The following PKNOX2 variants were observed in gnomAD, a reference collection of about 807,000 sequenced individuals.
The protein encoded by PKNOX2 is PBX/knotted 1 homeobox 2.
A neutral mutation model predicts 53.1 loss-of-function variants in PKNOX2; 14 were observed. The observed-to-expected ratio is 0.26, with a 90% CI of 0.17 to 0.41. PKNOX2 has a LOEUF of 0.41. Ranked by LOEUF, PKNOX2 falls within the 10% of genes least tolerant of loss-of-function variation. The pLI is 1.00. For synonymous variants in PKNOX2, 257 were observed against 242.8 expected (o/e 1.06, Z -0.54); for missense variants, 496 against 602.8 (o/e 0.82, Z 1.85).
At chr11:125,219,341 G>C (rs1329249734) in intron 1 of PKNOX2, among the ~76,000 whole-genome samples, 2 of 152,166 alleles carry the variant, frequency 1.3e-5, no homozygotes, top group Admixed American at 6.5e-5. Context: ...TGTAGGCTGA[G>C]GCAGGAGAAT....
At chr11:125,250,822 G>A (rs1269793811) in intron 2 of PKNOX2, among the ~76,000 whole-genome samples, 2 of 152,212 alleles carry the variant, frequency 1.3e-5, no homozygotes, top group African/African-American at 4.8e-5. Context: ...ATCCCACAAT[G>A]GGAAAACTTA....
chr11:125,289,757 G>A (rs1947184943), intron 2 of PKNOX2, among the ~76,000 whole-genome samples: 1 of 152,152 alleles, frequency 6.6e-6, no homozygotes, highest in Non-Finnish European at 1.5e-5. Context: ...AGGTGGGACA[G>A]AAGACTAGAG....
intron 2 of PKNOX2, among the ~76,000 whole-genome samples, chr11:125,237,535 T>G (rs1444890259): frequency 6.6e-6 from 1 of 152,200 alleles, no homozygotes. Flanking sequence ...CCTCATCTAT[T>G]TCCCAGAAAG....
At chr11:125,390,983 G>C (rs991121993) in intron 6 of PKNOX2, among the ~76,000 whole-genome samples, 5 of 152,166 alleles carry the variant, frequency 3.3e-5, no homozygotes, top group Admixed American at 6.5e-5. Flanking sequence ...GGCCTGGTCT[G>C]GAAAAATTCC....
At chr11:125,342,782 G>A (rs1424373599) in intron 3 of PKNOX2, among the ~76,000 whole-genome samples, 1 of 150,344 alleles carries the variant, frequency 6.7e-6, no homozygotes, top group East Asian at 2.0e-4. Flanking sequence ...GGGGAGGGGC[G>A]GGCCGGGGCT....
chr11:125,345,435 A>C (rs1335904491), intron 3 of PKNOX2, among the ~76,000 whole-genome samples: 3 of 151,780 alleles, frequency 2.0e-5, no homozygotes, highest in African/African-American at 7.3e-5. Context: ...TGCCAACCCC[A>C]TCCACCAAGC....
At chr11:125,328,716 T>C (rs547891720) in intron 2 of PKNOX2, among the ~76,000 whole-genome samples, 2 of 152,220 alleles carry the variant, frequency 1.3e-5, no homozygotes, top group East Asian at 1.9e-4. Context: ...TCTCTTTGGA[T>C]TGGTAAGAAA....
intron 5 of PKNOX2, among the ~76,000 whole-genome samples, chr11:125,374,771 T>C (rs145467558): frequency 6.6e-6 from 1 of 152,162 alleles, no homozygotes; most frequent in Non-Finnish European, 1.5e-5. Context: ...AAGGTTATGT[T>C]AGGATTCAAT....
chr11:125,411,481 T>C (rs950645280), intron 9 of PKNOX2: 18 of 418,696 alleles, frequency 4.3e-5, no homozygotes, highest in Non-Finnish European at 6.3e-5. Context: ...TCTCTCTCTC[T>C]CTCTCTCTCT....
intron 2 of PKNOX2, among the ~76,000 whole-genome samples, chr11:125,321,655 C>A (rs1027151834): frequency 1.1e-4 from 16 of 152,112 alleles, no homozygotes; most frequent in Non-Finnish European, 1.5e-5. Context: ...CAGCCATAGA[C>A]AATAGTAAAC....
intron 2 of PKNOX2, among the ~76,000 whole-genome samples, chr11:125,311,305 A>G (rs1219230503): frequency 6.6e-6 from 1 of 152,202 alleles, no homozygotes; most frequent in Admixed American, 6.5e-5. Context: ...TAGCATTAGC[A>G]AGGAAATCCA....
chr11:125,334,297 G>A (rs1337376647), intron 3 of PKNOX2, among the ~76,000 whole-genome samples: 1 of 152,154 alleles, frequency 6.6e-6, no homozygotes, highest in East Asian at 1.9e-4. Flanking sequence ...AAGTCCTGTT[G>A]GGCAAACATA....
chr11:125,202,225 T>G (rs1232908828), intron 1 of PKNOX2, among the ~76,000 whole-genome samples: 1 of 152,158 alleles, frequency 6.6e-6, no homozygotes, highest in Admixed American at 6.5e-5. Flanking sequence ...GCCCCCCATC[T>G]CGCTGCAGAC....
intron 1 of PKNOX2, among the ~76,000 whole-genome samples, chr11:125,214,238 C>A (rs1434445860): frequency 1.3e-5 from 2 of 152,016 alleles, no homozygotes; most frequent in African/African-American, 2.4e-5. Flanking sequence ...TGAGTGGGCT[C>A]CATGAGCGGC....
intron 10 of PKNOX2, among the ~76,000 whole-genome samples, chr11:125,413,047 T>C (rs1319670397): frequency 2.0e-5 from 3 of 152,294 alleles, no homozygotes; most frequent in African/African-American, 7.2e-5. Context: ...TAGAAAGAGA[T>C]GAGAGCCGGA....
At chr11:125,392,986 G>A (rs1452993601) in intron 6 of PKNOX2, among the ~76,000 whole-genome samples, 2 of 151,808 alleles carry the variant, frequency 1.3e-5, no homozygotes, top group South Asian at 2.1e-4. Flanking sequence ...GTGAAACCCT[G>A]TCTCTACTAA....
At chr11:125,409,450 A>G (rs1955347675) in intron 7 of PKNOX2, among the ~76,000 whole-genome samples, 1 of 152,144 alleles carries the variant, frequency 6.6e-6, no homozygotes, top group Non-Finnish European at 1.5e-5. Flanking sequence ...AGAGAACAGG[A>G]TCGATGCCAT....
chr11:125,198,948 C>T (rs1438957341), intron 1 of PKNOX2, among the ~76,000 whole-genome samples: 1 of 151,810 alleles, frequency 6.6e-6, no homozygotes, highest in Non-Finnish European at 1.5e-5. Flanking sequence ...TGAAGCTATT[C>T]TCCTGTCTCA....
intron 1 of PKNOX2, among the ~76,000 whole-genome samples, chr11:125,215,115 G>A (rs1940334705): frequency 6.6e-6 from 1 of 152,090 alleles, no homozygotes; most frequent in South Asian, 2.1e-4. Context: ...GGTCCTGGGA[G>A]GGGAAGGCCG....
Sources: gnomAD v4.1 joint callset for allele counts (sites outside exome capture counted in the v4.1 genomes callset) on GRCh38, gnomAD v4.1.1 for gene constraint, MANE v1.5 for transcripts, NCBI Gene and HGNC (gene_info 2026-07-23, HGNC 2026-07-21) for gene names.